The following UPP2 variants were observed in gnomAD, a reference collection of about 807,000 sequenced individuals.
UPP2 encodes uridine phosphorylase 2, also known as UPase 2.
In UPP2, 23 loss-of-function variants were observed where a neutral mutation model predicts 26.7. The ratio of observed to expected loss-of-function variants is 0.86; its 90% CI spans 0.62 to 1.22. The LOEUF (loss-of-function observed/expected upper bound fraction) is 1.22. Ranked by LOEUF, UPP2 falls within the 50% of genes most tolerant of loss-of-function variation. The probability of loss-of-function intolerance (pLI) is 0.00; values close to 1 mark genes in which losing one functional copy is unlikely to be tolerated. For missense variants in UPP2, 387 were observed against 396.7 expected (o/e 0.98, Z 0.21); for synonymous variants, 127 against 141.3 (o/e 0.90, Z 0.72).
At chr2:158,104,753 C>G in intron 1 of UPP2, among the ~76,000 whole-genome samples, 1 of 151,970 alleles carries the variant, frequency 6.6e-6, no homozygotes, top group Non-Finnish European at 1.5e-5. Flanking sequence ...GAAACCCCAT[C>G]TCTACTAAAA....
intron 5 of UPP2, 50 bp downstream of exon 5, chr2:158,121,668 C>T (rs1360501662): frequency 6.7e-7 from 1 of 1,487,176 alleles, no homozygotes; most frequent in African/African-American, 1.4e-5. Context: ...GCCAGCAACT[C>T]TTTGTTATTC....
chr2:158,105,549 A>G (rs1304604692), intron 1 of UPP2, among the ~76,000 whole-genome samples: 2 of 152,222 alleles, frequency 1.3e-5, no homozygotes, highest in Non-Finnish European at 2.9e-5. Flanking sequence ...AGAGTCCATG[A>G]AGTGTCCGGC....
chr2:158,079,697 T>C (rs972252272), intron 3 of UPP2, among the ~76,000 whole-genome samples: 12 of 152,172 alleles, frequency 7.9e-5, no homozygotes, highest in Admixed American at 5.9e-4. Context: ...TTCCAATATG[T>C]TCTCCCTGAC....
chr2:158,027,128 A>T (rs1683845793), intron 3 of UPP2, among the ~76,000 whole-genome samples: 1 of 152,192 alleles, frequency 6.6e-6, no homozygotes, highest in Non-Finnish European at 1.5e-5. Flanking sequence ...CTCACATTTC[A>T]AAACCAATCA....
At chr2:158,030,970 T>G (rs907552741) in intron 3 of UPP2, among the ~76,000 whole-genome samples, 2 of 152,212 alleles carry the variant, frequency 1.3e-5, no homozygotes, top group African/African-American at 4.8e-5. Context: ...GCTTTGCAAC[T>G]TTAGGCCAGT....
Position 158,026,485 on chromosome 2 carries a change from G to A in UPP2, c.147+10599G>A, listed in dbSNP as rs76103908. Among the ~76,000 whole-genome samples the A allele has an allele frequency of 4.1e-3, 620 of 152,252 alleles. 4 individuals are homozygous for A. The highest frequency in any genetic ancestry group is 7.3e-3 in the African/African-American group (303 of 41,558). Reference sequence around the variant, plus strand: ...TCATGTTCCCAATGTAAGAACGAGCGTCTCTCTAGGACTATATCTCATGGG... The same window carrying A: ...TCATGTTCCCAATGTAAGAACGAGCATCTCTCTAGGACTATATCTCATGGG... On this transcript the variant is annotated intron_variant, in intron 3 of 9. Transcript: ENST00000605860.
At chr2:158,070,714 T>C (rs1286586743) in intron 3 of UPP2, among the ~76,000 whole-genome samples, 1 of 152,200 alleles carries the variant, frequency 6.6e-6, no homozygotes, top group Non-Finnish European at 1.5e-5. Context: ...GAACCAAAAG[T>C]CAGGTGAGGA....
At chr2:158,000,067 ATT>A (rs11451567) in intron 2 of UPP2, among the ~76,000 whole-genome samples, 2 of 147,554 alleles carry the variant, frequency 1.4e-5, no homozygotes. Context: ...TGCCTTTCAA[ATT>A]TTTTTTTTTT....
At position 158,105,014 on chromosome 2, in the gene UPP2, G is replaced by A. The variant is rs185653544; in HGVS notation, c.63-1085G>A. Among the ~76,000 whole-genome samples the A allele has an allele frequency of 9.3e-3, 91 of 9,818 alleles. 4 individuals are homozygous for A. The highest frequency in any genetic ancestry group is 0.015 in the South Asian group (2 of 130). The allele number at this position is 9,818 out of a possible 152,430, so 6.4% of individuals were successfully genotyped here. On this transcript the variant is annotated intron_variant, in intron 1 of 6. Transcript: ENST00000005756. ...AGGGAAGGGAGGGGAGGGGAGGGGA[G>A]GGGAGGGGAGGGGAGGGGAGGGGAG...
At chr2:158,013,003 GTTA>G (rs576544631) in intron 2 of UPP2, among the ~76,000 whole-genome samples, 2 of 151,430 alleles carry the variant, frequency 1.3e-5, no homozygotes, top group African/African-American at 4.9e-5. Context: ...TTAAGCTATT[GTTA>G]TTATTATTTT....
At chr2:158,089,259 G>A (rs1030960088) in intron 3 of UPP2, among the ~76,000 whole-genome samples, 1 of 152,060 alleles carries the variant, frequency 6.6e-6, no homozygotes, top group Non-Finnish European at 1.5e-5. Flanking sequence ...CAGGAGAGTG[G>A]GGGAAAGTTG....
chr2:158,046,730 T>G (rs1684161383), intron 3 of UPP2, among the ~76,000 whole-genome samples: 1 of 152,186 alleles, frequency 6.6e-6, no homozygotes, highest in Non-Finnish European at 1.5e-5. Flanking sequence ...ACCTCTTCAC[T>G]TATGTAATTC....
At chr2:158,066,388 T>A (rs1391444116) in intron 3 of UPP2, among the ~76,000 whole-genome samples, 1 of 152,244 alleles carries the variant, frequency 6.6e-6, no homozygotes, top group Non-Finnish European at 1.5e-5. Context: ...CTTGCCAGAA[T>A]CTTATCAATA....
intron 3 of UPP2, among the ~76,000 whole-genome samples, chr2:158,092,486 A>G (rs71421067): frequency 0.068 from 10,296 of 152,290 alleles, 577 homozygotes; most frequent in African/African-American, 0.14. Flanking sequence ...GGAATTCTAG[A>G]CCATGCTAAA....
At chr2:158,055,094 T>C (rs1327623998) in intron 3 of UPP2, among the ~76,000 whole-genome samples, 3 of 152,222 alleles carry the variant, frequency 2.0e-5, no homozygotes, top group South Asian at 2.1e-4. Flanking sequence ...TTATGAAGAA[T>C]AGGAATTTAT....
intron 3 of UPP2, among the ~76,000 whole-genome samples, chr2:158,026,949 G>A (rs7597068): frequency 0.13 from 20,179 of 152,096 alleles, 1,886 homozygotes; most frequent in African/African-American, 0.26. Flanking sequence ...AGACTTATTC[G>A]CTACTACGAG....
In UPP2 at chr2:158,106,235, T is replaced by G. The variant is rs1383136161; in HGVS notation, c.180+19T>G. 6.3e-7 allele frequency: 1 copy of G among 1,591,322 alleles called. No homozygotes were observed. The highest frequency in any genetic ancestry group is 1.8e-5 in the Admixed American group (1 of 55,272). On this transcript the variant is annotated intron_variant, in intron 2 of 6. Transcript: ENST00000005756. ...TGTAAAGGTAAAAACATTTCTAATT[T>G]CAGGAAAAATGATTGAGTTTTCTCT...
chr2:158,106,323 A>T, intron 2 of UPP2, 107 bp downstream of exon 2: 1 of 846,562 alleles, frequency 1.2e-6, no homozygotes, highest in Non-Finnish European at 1.9e-6. Flanking sequence ...CAGTCCCAAT[A>T]GGAACTGAAG....
intron 3 of UPP2, among the ~76,000 whole-genome samples, chr2:158,092,935 A>C (rs1057430194): frequency 1.3e-5 from 2 of 152,080 alleles, no homozygotes; most frequent in Admixed American, 6.5e-5. Context: ...AGAATCATGT[A>C]ATCATTTTTT....
Sources: gnomAD v4.1 joint callset for allele counts (sites outside exome capture counted in the v4.1 genomes callset) on GRCh38, gnomAD v4.1.1 for gene constraint, MANE v1.5 for transcripts, NCBI Gene and HGNC (gene_info 2026-07-23, HGNC 2026-07-21) for gene names.